The following PSMB3 variants were observed in gnomAD, a reference collection of about 807,000 sequenced individuals.
PSMB3 encodes the protein proteasome 20S subunit beta 3, also known as proteasome subunit beta type-3.
In PSMB3, 5 loss-of-function variants were observed where a neutral mutation model predicts 23.3. The ratio of observed to expected loss-of-function variants is 0.21; its 90% confidence interval spans 0.11 to 0.45. The LOEUF is 0.45. Among genes scored for constraint, PSMB3 ranks in the 20% least tolerant of loss-of-function variants. The probability of loss-of-function intolerance (pLI) is 0.99; values close to 1 mark genes in which losing one functional copy is unlikely to be tolerated. For missense variants in PSMB3, 192 were observed against 277.9 expected (o/e 0.69, Z 2.20); for synonymous variants, 85 against 99.8 (o/e 0.85, Z 0.88).
chr17:38,759,798 C>T (rs954863570), intron 3 of PSMB3, among the ~76,000 whole-genome samples: 10 of 152,092 alleles, frequency 6.6e-5, no homozygotes, highest in East Asian at 5.8e-4. Flanking sequence ...CCACCCACCT[C>T]GGCCTCCCAA....
chr17:38,755,655 AAAAAAT>A (rs1158705735), intron 2 of PSMB3, among the ~76,000 whole-genome samples: 3 of 72,554 alleles, frequency 4.1e-5, no homozygotes, highest in African/African-American at 1.9e-4. Flanking sequence ...CTAAAAAAAA[AAAAAAT>A]ATATATATAT....
At position 38,753,254 on chromosome 17, in the gene PSMB3, C is replaced by T; in HGVS notation, c.108C>T (p.Thr36=). The T allele has an allele frequency of 6.2e-7, 1 of 1,614,204 alleles. No individual in the cohort carries two copies. The highest frequency in any genetic ancestry group is 8.5e-7 in the Non-Finnish European group (1 of 1,180,028). The change falls in exon 2 of 6, where the codon ACC becomes ACT. Residue 36 remains threonine (T), a synonymous_variant. Transcript: ENST00000619426. ...RRFGIQAQMV[T]TDFQKIFPMG... is the part of the protein sequence containing the mutation. ...TCGGGATCCAGGCCCAGATGGTGAC[C>T]ACGGACTTCCAGAAGATCTTTCCCA...
chr17:38,762,114 A>C (rs1908469415), intron 4 of PSMB3: 1 of 356,778 alleles, frequency 2.8e-6, no homozygotes, highest in Non-Finnish European at 5.1e-6. Flanking sequence ...TCTTCTCCCT[A>C]TTTTACAGAG....
intron 3 of PSMB3, among the ~76,000 whole-genome samples, chr17:38,757,340 G>A (rs192868354): frequency 1.3e-5 from 2 of 151,198 alleles, no homozygotes; most frequent in East Asian, 2.0e-4. Flanking sequence ...TCAACATGGT[G>A]AAACCTCATC....
At chr17:38,753,128 C>A (rs768820639) in intron 1 of PSMB3, 22 bp from the exon 2 acceptor site, 1 of 1,594,136 alleles carries the variant, frequency 6.3e-7, no homozygotes, top group Non-Finnish European at 8.6e-7. Flanking sequence ...CCGCGCTGAC[C>A]CCTCCGCTCT....
intron 4 of PSMB3, among the ~76,000 whole-genome samples, chr17:38,761,461 G>A (rs1027629028): frequency 1.3e-5 from 2 of 152,128 alleles, no homozygotes; most frequent in Non-Finnish European, 2.9e-5. Context: ...GCGAGGGTCG[G>A]CTGTCGTTAT....
At chr17:38,761,856 C>T (rs182913088) in intron 4 of PSMB3, among the ~76,000 whole-genome samples, 1 of 152,296 alleles carries the variant, frequency 6.6e-6, no homozygotes, top group East Asian at 1.9e-4. Context: ...TGAGCAAAGA[C>T]AGTGGCAGTG....
chr17:38,756,581 C>T (rs558164852), intron 3 of PSMB3, among the ~76,000 whole-genome samples: 46 of 152,122 alleles, frequency 3.0e-4, no homozygotes, highest in Non-Finnish European at 4.7e-4. Flanking sequence ...CTGCAACCTC[C>T]ACCTCCCAGG....
intron 4 of PSMB3, 26 bp from the exon 5 acceptor site, chr17:38,762,385 T>C (rs1252912480): frequency 1.3e-6 from 2 of 1,599,268 alleles, no homozygotes; most frequent in Non-Finnish European, 1.7e-6. Context: ...AGGCTGTGGT[T>C]TGAAGGGGTT....
intron 2 of PSMB3, among the ~76,000 whole-genome samples, chr17:38,755,019 T>C (rs999261692): frequency 8.1e-5 from 12 of 148,016 alleles, no homozygotes; most frequent in African/African-American, 2.8e-4. Flanking sequence ...TTTTTTTTTG[T>C]CACCCAGGCT....
chr17:38,763,695 G>T (rs1408838435), intron 5 of PSMB3, among the ~76,000 whole-genome samples: 1 of 151,916 alleles, frequency 6.6e-6, no homozygotes, highest in Non-Finnish European at 1.5e-5. Context: ...TAGAGACGGG[G>T]TTTCACCATG....
At chr17:38,757,068 G>A (rs1400516696) in intron 3 of PSMB3, among the ~76,000 whole-genome samples, 1 of 116,024 alleles carries the variant, frequency 8.6e-6, no homozygotes, top group African/African-American at 3.3e-5. Flanking sequence ...TTTTAGTAGA[G>A]ACAAGGTTTC....
intron 3 of PSMB3, among the ~76,000 whole-genome samples, chr17:38,759,869 T>C (rs1908363793): frequency 2.0e-5 from 3 of 152,138 alleles, no homozygotes; most frequent in Non-Finnish European, 4.4e-5. Flanking sequence ...TTCTTAAAGA[T>C]CAGTGTCTAG....
Position 38,762,429 on chromosome 17 carries a change from G to C in PSMB3, c.493G>C (p.Glu165Gln). Residue 165 changes from glutamate to glutamine, a missense_variant, in exon 5 of 6, where the codon GAA becomes CAA. Coordinates refer to ENST00000619426, the MANE Select transcript of PSMB3 (RefSeq NM_002795.4). ...TTGGCAGGATCCGGATCACCTGTTT[G>C]AAACCATCTCCCAAGCCATGCTGAA... Reference protein sequence around the residue: ...EPNMDPDHLFETISQAMLNAV... With the variant: ...EPNMDPDHLFQTISQAMLNAV... 6.2e-7 allele frequency: 1 copy of C among 1,614,158 alleles called. No individual in the cohort carries two copies.
chr17:38,759,526 T>C (rs1013647610), intron 3 of PSMB3, among the ~76,000 whole-genome samples: 7 of 152,064 alleles, frequency 4.6e-5, no homozygotes, highest in Non-Finnish European at 1.0e-4. Context: ...TAAGACTGAT[T>C]TTTCTTTTTT....
intron 5 of PSMB3, 87 bp from the exon 6 acceptor site, chr17:38,764,032 G>C: frequency 2.6e-6 from 4 of 1,526,512 alleles, no homozygotes; most frequent in Non-Finnish European, 3.6e-6. Flanking sequence ...CAGGGCTTGA[G>C]GGCTTGGTGC....
intron 5 of PSMB3, 77 bp from the exon 6 acceptor site, chr17:38,764,042 C>T: frequency 1.3e-6 from 2 of 1,571,974 alleles, no homozygotes; most frequent in East Asian, 4.5e-5. Context: ...GGGCTTGGTG[C>T]TGAGGGCCAG....
At chr17:38,758,672 T>C (rs1185317472) in intron 3 of PSMB3, among the ~76,000 whole-genome samples, 4 of 152,196 alleles carry the variant, frequency 2.6e-5, no homozygotes, top group Non-Finnish European at 4.4e-5. Context: ...TGGTGGCTCA[T>C]GCCTGTAATC....
rs1230593966 is a variant in PSMB3, at chr17:38,762,444, G to A, written c.508G>A (p.Ala170Thr). 1.2e-6 allele frequency: 2 copies of A among 1,614,172 alleles called. No individual in the cohort carries two copies. Among genetic ancestry groups the A allele is most frequent in the South Asian group, 1.1e-5 (1 of 91,078 alleles). ...TCACCTGTTTGAAACCATCTCCCAA[G>A]CCATGCTGAATGCTGTGGACCGGGA... ...PDHLFETISQ[A>T]MLNAVDRDAV... Residue 170 changes from alanine (A) to threonine (T), a missense_variant, in exon 5 of 6, where the codon GCC (alanine) becomes ACC (threonine). Physicochemically the swap from Ala to Thr is moderately conservative, Grantham distance 58. Coordinates refer to ENST00000619426, the MANE Select transcript of PSMB3 (RefSeq NM_002795.4).
Sources: gnomAD v4.1 joint callset for allele counts (sites outside exome capture counted in the v4.1 genomes callset) on GRCh38, gnomAD v4.1.1 for gene constraint, MANE v1.5 for transcripts, NCBI Gene and HGNC (gene_info 2026-07-23, HGNC 2026-07-21) for gene names.